C5orf24: variants seen among roughly 807,000 people sequenced by gnomAD.
C5orf24 encodes the protein UPF0461 protein C5orf24.
C5orf24 carries 4 observed loss-of-function variants against 9.8 expected under a neutral mutation model. That is an observed-to-expected ratio of 0.41 (90% CI 0.20 to 0.93). The LOEUF is 0.93. C5orf24 is among the 40% of genes least tolerant of loss of function. The probability of loss-of-function intolerance (pLI) is 0.33; values close to 1 mark genes in which losing one functional copy is unlikely to be tolerated. For missense variants in C5orf24, 170 were observed against 236.9 expected (o/e 0.72, Z 1.85); for synonymous variants, 73 against 81.3 (o/e 0.90, Z 0.55).
At chr5:134,850,405 C>T (rs1356168156) in intron 1 of C5orf24, among the ~76,000 whole-genome samples, 16 of 151,984 alleles carry the variant, frequency 1.1e-4, no homozygotes, top group Admixed American at 9.8e-4. Flanking sequence ...CCTTGGCCTC[C>T]CAAAGTGCTG....
chr5:134,844,221 A>C (rs902810921), upstream of C5orf24, among the ~76,000 whole-genome samples: 3 of 152,330 alleles, frequency 2.0e-5, no homozygotes, highest in East Asian at 3.9e-4. Context: ...TAGAAAAAAA[A>C]CTTGTTTTTA....
At chr5:134,851,434 G>A (rs1007976488) in intron 1 of C5orf24, among the ~76,000 whole-genome samples, 7 of 123,978 alleles carry the variant, frequency 5.6e-5, no homozygotes, top group Admixed American at 9.1e-5. Context: ...TGGATTCCCC[G>A]CCCCCCACCC....
At chr5:134,845,623 G>C (rs985067534), upstream of C5orf24, 1 of 152,244 alleles carries the variant, frequency 6.6e-6, no homozygotes, top group East Asian at 1.9e-4. Flanking sequence ...ATTATCACAT[G>C]ATCCTGGGCA....
At chr5:134,835,000 C>T in the C5orf24 span, among the ~76,000 whole-genome samples, 1 of 151,252 alleles carries the variant, frequency 6.6e-6, no homozygotes. Context: ...GCCAAGATTG[C>T]GGCACTGCAC....
At position 134,857,582 on chromosome 5, in the gene C5orf24, G is replaced by C. The variant is rs1487333234; in HGVS notation, c.*2115G>C. On this transcript the variant is annotated 3_prime_UTR_variant, in exon 2 of 2. Coordinates refer to ENST00000394976, the MANE Select transcript of C5orf24 (RefSeq NM_001135586.1). ...TTCTGGCAGCTAAATTGCTACAAGA[G>C]CTTTTTCTTGCAAAAGCTTAAAATA... is the stretch of plus-strand genomic sequence containing the variant. The C allele has an allele frequency of 1.5e-6, 1 of 685,880 alleles. No individual in the cohort carries two copies. Among genetic ancestry groups the C allele is most frequent in the Non-Finnish European group, 2.1e-6 (1 of 467,874 alleles). The allele number at this position is 685,880 out of a possible 1,614,324, so 42.5% of individuals were successfully genotyped here.
chr5:134,847,979 A>G (rs1358699412), intron 1 of C5orf24, among the ~76,000 whole-genome samples: 2 of 152,328 alleles, frequency 1.3e-5, no homozygotes, highest in East Asian at 1.9e-4. Context: ...CTGGGATTAC[A>G]GGCCTGAGCC....
At chr5:134,849,919 A>G (rs1756108951) in intron 1 of C5orf24, among the ~76,000 whole-genome samples, 2 of 151,684 alleles carry the variant, frequency 1.3e-5, no homozygotes, top group Non-Finnish European at 2.9e-5. Context: ...CAGCCTCCCA[A>G]AGTGCTGGGA....
At position 134,846,029 on chromosome 5, in the gene C5orf24, C is replaced by G. The variant is rs1580836739; in HGVS notation, c.-187C>G. 2.0e-5 allele frequency: 3 copies of G among 152,414 alleles called. No individual in the cohort carries two copies. The highest frequency in any genetic ancestry group is 7.2e-5 in the African/African-American group (3 of 41,556). 9.4% of individuals were successfully genotyped at this position (152,414 alleles called of 1,614,324 possible). A position where few individuals can be genotyped will look rare whatever the true frequency, so the allele number is the denominator to read the frequency against. ...TCCGGGGCAGGACCGTGCGCGGCGG[C>G]CGCGGCGGGTGCTGGGAGCCAGCGC... On this transcript the variant is annotated 5_prime_UTR_variant, in exon 1 of 2. Transcript: ENST00000394976.
chr5:134,840,066 T>TG, the C5orf24 span, among the ~76,000 whole-genome samples: 2 of 151,916 alleles, frequency 1.3e-5, no homozygotes, highest in African/African-American at 4.8e-5. Flanking sequence ...CCCAGAAACT[T>TG]GGGAGGCCAA....
the C5orf24 span, among the ~76,000 whole-genome samples, chr5:134,835,602 G>A: frequency 6.6e-6 from 1 of 152,194 alleles, no homozygotes; most frequent in African/African-American, 2.4e-5. Flanking sequence ...AGCCCAGATC[G>A]TGCCAGTGCA....
upstream of C5orf24, among the ~76,000 whole-genome samples, chr5:134,843,376 G>T (rs564974014): frequency 6.6e-6 from 1 of 152,254 alleles, no homozygotes; most frequent in Non-Finnish European, 1.5e-5. Flanking sequence ...ATGGAAAATG[G>T]TAAATATTTG....
rs945360903 is a variant in C5orf24, at chr5:134,859,556, T to C, written c.*4089T>C. The C allele has an allele frequency of 4.2e-5, 7 of 167,082 alleles. No individual in the cohort carries two copies. The highest frequency in any genetic ancestry group is 3.9e-4 in the Admixed American group (6 of 15,282). The allele number at this position is 167,082 out of a possible 1,614,324, so 10.3% of individuals were successfully genotyped here. A position where few individuals can be genotyped will look rare whatever the true frequency, so the allele number is the denominator to read the frequency against. On this transcript the variant is annotated 3_prime_UTR_variant, in exon 2 of 2. Coordinates refer to ENST00000394976, the MANE Select transcript of C5orf24 (RefSeq NM_001135586.1). Reference sequence around the variant, plus strand: ...GAGAAAATAATTACCAATTAACTGATAATAAGCACGCTGTCCTCTGCTGTA... The same window carrying C: ...GAGAAAATAATTACCAATTAACTGACAATAAGCACGCTGTCCTCTGCTGTA...
Position 134,857,189 on chromosome 5 carries a change from T to G in C5orf24, c.*1722T>G. 7.7e-7 allele frequency: 1 copy of G among 1,296,766 alleles called. No individual in the cohort carries two copies. Among genetic ancestry groups the G allele is most frequent in the Non-Finnish European group, 9.9e-7 (1 of 1,013,142 alleles). The allele number at this position is 1,296,766 out of a possible 1,614,324, so 80.3% of individuals were successfully genotyped here. On this transcript the variant is annotated 3_prime_UTR_variant, in exon 2 of 2. Coordinates refer to ENST00000394976, the MANE Select transcript of C5orf24 (RefSeq NM_001135586.1). ...CACTTAACTTTAAAGTTACAATGTT[T>G]GTATTTGGGATTTTAAATGCCTTTG...
At chr5:134,852,809 G>C (rs1169286849) in intron 1 of C5orf24, among the ~76,000 whole-genome samples, 1 of 152,184 alleles carries the variant, frequency 6.6e-6, no homozygotes, top group Non-Finnish European at 1.5e-5. Flanking sequence ...GGCCAAGGAA[G>C]GCGGATCACC....
chr5:134,855,849 A>C lies in C5orf24; in HGVS notation c.*382A>C, dbSNP rs903442238. On this transcript the variant is annotated 3_prime_UTR_variant, in exon 2 of 2. Transcript: ENST00000394976. ...AAGCCTACAGTATAATAAAGACACT[A>C]ACGTATTTTTAACTGATGGAGCAAA... The C allele has an allele frequency of 1.9e-6, 2 of 1,031,204 alleles. No individual in the cohort carries two copies. The highest frequency in any genetic ancestry group is 3.5e-5 in the African/African-American group (2 of 57,736). The allele number at this position is 1,031,204 out of a possible 1,614,324, so 63.9% of individuals were successfully genotyped here.
the C5orf24 span, among the ~76,000 whole-genome samples, chr5:134,836,947 C>T: frequency 6.6e-6 from 1 of 151,882 alleles, no homozygotes; most frequent in Non-Finnish European, 1.5e-5. Flanking sequence ...ACTTGAACAA[C>T]CTTGGGCTTG....
chr5:134,846,163 C>T lies in C5orf24; in HGVS notation c.-53C>T, dbSNP rs1755987365. The T allele has an allele frequency of 6.6e-6, 1 of 152,420 alleles. No individual in the cohort carries two copies. Among genetic ancestry groups the T allele is most frequent in the Admixed American group, 6.5e-5 (1 of 15,294 alleles). The allele number at this position is 152,420 out of a possible 1,614,324, so 9.4% of individuals were successfully genotyped here. On this transcript the variant is annotated 5_prime_UTR_variant, in exon 1 of 2. Coordinates refer to ENST00000394976, the MANE Select transcript of C5orf24 (RefSeq NM_001135586.1). ...GCGGCGCCAGCACGAGGTTCCCAGCCGCTGGGAAGCCCCTAGACGCGCCGA... is the reference window on the plus strand; with the variant it reads ...GCGGCGCCAGCACGAGGTTCCCAGCTGCTGGGAAGCCCCTAGACGCGCCGA...
chr5:134,849,647 C>CT (rs35375521), intron 1 of C5orf24, among the ~76,000 whole-genome samples: 48,387 of 76,944 alleles, frequency 0.63, 19,052 homozygotes, highest in Admixed American at 0.71. Flanking sequence ...AAGTCAGTGT[C>CT]TTTTTTTTTT....
upstream of C5orf24, among the ~76,000 whole-genome samples, chr5:134,843,429 T>A (rs968824438): frequency 3.3e-5 from 5 of 152,302 alleles, no homozygotes; most frequent in Admixed American, 1.3e-4. Context: ...TGGTGAATAT[T>A]TTCTTTTTTC....
Sources: gnomAD v4.1 joint callset for allele counts (sites outside exome capture counted in the v4.1 genomes callset) on GRCh38, gnomAD v4.1.1 for gene constraint, MANE v1.5 for transcripts, NCBI Gene and HGNC (gene_info 2026-07-23, HGNC 2026-07-21) for gene names.